LOXL1: variants seen among roughly 807,000 people sequenced by gnomAD.
The protein encoded by LOXL1 is lysyl oxidase like 1, also known as lysyl oxidase homolog 1.
LOXL1 carries 31 observed loss-of-function variants against 62.2 expected under a neutral mutation model. The ratio of observed to expected loss-of-function variants is 0.50; its 90% CI spans 0.37 to 0.67. LOXL1 has a LOEUF of 0.67. Among genes scored for constraint, LOXL1 ranks in the 30% least tolerant of loss-of-function variants. LOXL1 has a pLI of 0.00. For missense variants in LOXL1, 775 were observed against 843.4 expected, an observed-to-expected ratio of 0.92 and a Z score of 1.00; for synonymous variants, 403 against 384.4, an observed-to-expected ratio of 1.05 and a Z score of -0.56.
intron 1 of LOXL1, among the ~76,000 whole-genome samples, chr15:73,931,018 C>G (rs1465492560): frequency 6.6e-6 from 1 of 152,172 alleles, no homozygotes; most frequent in Non-Finnish European, 1.5e-5. Flanking sequence ...GCCCTCCTCT[C>G]CTGGGATCCT....
At position 73,927,356 on chromosome 15, in the gene LOXL1, C is replaced by T. The variant is rs1333440194; in HGVS notation, c.573C>T (p.Tyr191=). The T allele has an allele frequency of 1.3e-6, 2 of 1,590,586 alleles. No individual in the cohort carries two copies. Among genetic ancestry groups the T allele is most frequent in the Non-Finnish European group, 8.5e-7 (1 of 1,169,878 alleles). ...CCTTCGTCAGCCAGTACGAGAACTA[C>T]GACCCCGCGTCGCGGACCTACGACC... The part of the protein sequence containing the change: ...QAPFVSQYEN[Y]DPASRTYDQG... Residue 191 remains tyrosine, a synonymous_variant, in exon 1 of 7, where the codon TAC becomes TAT. Transcript: ENST00000261921.
intron 6 of LOXL1, among the ~76,000 whole-genome samples, chr15:73,950,293 T>TTAA (rs1442360390): frequency 2.1e-5 from 3 of 146,088 alleles, no homozygotes; most frequent in African/African-American, 7.6e-5. Flanking sequence ...CCTTTTCCAT[T>TTAA]AAAAAAAAAA....
rs369266200 is a variant in LOXL1 at position 73,927,390 on chromosome 15, G to C, written c.607G>C (p.Val203Leu). 4 of 1,574,244 alleles carry C rather than the reference G, an allele frequency of 2.5e-6. No homozygotes were observed. The highest frequency in any genetic ancestry group is 4.8e-5 in the East Asian group (2 of 41,294). Reference protein sequence around the residue: ...PASRTYDQGFVYYRPAGGGVG... With the variant: ...PASRTYDQGFLYYRPAGGGVG... ...GTCGCGGACCTACGACCAGGGTTTC[G>C]TGTACTACCGGCCCGCGGGCGGCGG... The change falls in exon 1 of 7, where the codon GTG becomes CTG. Residue 203 changes from valine to leucine, a missense_variant. Transcript: ENST00000261921.
chr15:73,938,087 G>C (rs1274888787), intron 1 of LOXL1, among the ~76,000 whole-genome samples: 1 of 152,170 alleles, frequency 6.6e-6, no homozygotes, highest in Non-Finnish European at 1.5e-5. Context: ...AGGAGTTCGA[G>C]ACCAGGCTGG....
chr15:73,942,987 G>T, intron 2 of LOXL1, 25 bp downstream of exon 2: 1 of 1,573,848 alleles, frequency 6.4e-7, no homozygotes, highest in Non-Finnish European at 8.7e-7. Context: ...CAGAAGTGTA[G>T]AGTGTTGGGA....
intron 2 of LOXL1, among the ~76,000 whole-genome samples, chr15:73,944,094 G>A (rs145904216): frequency 1.3e-5 from 2 of 152,348 alleles, no homozygotes; most frequent in Non-Finnish European, 2.9e-5. Flanking sequence ...CATCAGTGTG[G>A]GAACTGCCCC....
intron 1 of LOXL1, 69 bp from the exon 2 acceptor site, chr15:73,942,785 T>C: frequency 2.1e-6 from 2 of 965,058 alleles, no homozygotes; most frequent in Non-Finnish European, 3.4e-6. Context: ...GCATTAGCAG[T>C]GGCCAACCTG....
Position 73,930,399 on chromosome 15 carries a change from C to T in LOXL1, c.1102+2514C>T, listed in dbSNP as rs576600062. On this transcript the variant is annotated intron_variant, in intron 1 of 6. Coordinates refer to ENST00000261921, the MANE Select transcript of LOXL1 (RefSeq NM_005576.4). This position sits in a 1 kb window ranked among gnomAD's most constrained non-coding sequence, Gnocchi z 4.7. ...GAGGGGATTGCAGGCTAGTTTAGGGCTCACAAAGAGGCCAGAGAGGGAGCA... is the reference window on the plus strand; with the variant it reads ...GAGGGGATTGCAGGCTAGTTTAGGGTTCACAAAGAGGCCAGAGAGGGAGCA... Among the ~76,000 whole-genome samples the T allele has an allele frequency of 1.3e-5, 2 of 152,216 alleles. No individual in the cohort carries two copies. Among genetic ancestry groups the T allele is most frequent in the South Asian group, 4.1e-4 (2 of 4,822 alleles).
chr15:73,931,088 C>T (rs537524144), intron 1 of LOXL1, among the ~76,000 whole-genome samples: 81 of 152,014 alleles, frequency 5.3e-4, no homozygotes, highest in East Asian at 3.3e-3. Context: ...CTTAGTGCCA[C>T]CTAAGAAGCC....
At chr15:73,936,745 G>T (rs981147537) in intron 1 of LOXL1, among the ~76,000 whole-genome samples, 1 of 152,224 alleles carries the variant, frequency 6.6e-6, no homozygotes, top group Non-Finnish European at 1.5e-5. Context: ...GGCTCTCAGC[G>T]CCAGGCAGCC....
chr15:73,938,465 C>G (rs57783027), intron 1 of LOXL1, among the ~76,000 whole-genome samples: 15,598 of 151,728 alleles, frequency 0.1, 1,012 homozygotes, highest in South Asian at 0.2. Flanking sequence ...AACCTCAGCA[C>G]TTTGGGAGGC....
At chr15:73,941,979 A>G in intron 1 of LOXL1, 1 of 282,608 alleles carries the variant, frequency 3.5e-6, no homozygotes, top group Non-Finnish European at 7.9e-6. Flanking sequence ...AAGGGACCAC[A>G]AGGACGGGGG....
chr15:73,938,236 C>T (rs900864600), intron 1 of LOXL1, among the ~76,000 whole-genome samples: 14 of 151,854 alleles, frequency 9.2e-5, no homozygotes, highest in South Asian at 8.3e-4. Context: ...GCTAAGATGG[C>T]GCCATTGCAG....
chr15:73,943,220 G>A lies in LOXL1; in HGVS notation c.1211+258G>A, dbSNP rs142060719. On this transcript the variant is annotated intron_variant, in intron 2 of 6. Transcript: ENST00000261921. ...TACAAGGAACTCCACTTTTACTGTG[G>A]CACTTCATCTTTATATGAGCCCTGA... Among the ~76,000 whole-genome samples, 170 of 152,346 alleles carry A rather than the reference G, an allele frequency of 1.1e-3. 1 individual carries two copies. Among genetic ancestry groups the A allele is most frequent in the Middle Eastern group, 3.4e-3 (1 of 294 alleles).
intron 2 of LOXL1, among the ~76,000 whole-genome samples, chr15:73,944,728 C>G (rs1192655843): frequency 2.0e-5 from 3 of 152,208 alleles, no homozygotes; most frequent in Non-Finnish European, 4.4e-5. Flanking sequence ...GAACCTAGAC[C>G]CTTATGGTTT....
At chr15:73,933,459 C>T (rs1029718502) in intron 1 of LOXL1, among the ~76,000 whole-genome samples, 6 of 152,218 alleles carry the variant, frequency 3.9e-5, no homozygotes, top group African/African-American at 1.4e-4. Context: ...AGTTTGCGGG[C>T]CCCACAGAGT....
At position 73,926,463 on chromosome 15, in the gene LOXL1, T is replaced by G; in HGVS notation, c.-321T>G. On this transcript the variant is annotated 5_prime_UTR_variant, in exon 1 of 7. Transcript: ENST00000261921. ...ACGCTCCCAGCCTGTTGCTTATTCA[T>G]TCAGAGTGGGAAAGCGCCAGCCGAG... is the stretch of plus-strand genomic sequence containing the variant. 3.7e-6 allele frequency: 1 copy of G among 273,178 alleles called. No homozygotes were observed. The highest frequency in any genetic ancestry group is 6.8e-6 in the Non-Finnish European group (1 of 146,054). The allele number at this position is 273,178 out of a possible 1,614,324, so 16.9% of individuals were successfully genotyped here.
At chr15:73,951,700 C>G in intron 6 of LOXL1, 131 bp from the exon 7 acceptor site, 1 of 765,290 alleles carries the variant, frequency 1.3e-6, no homozygotes, top group Non-Finnish European at 1.9e-6. Flanking sequence ...GGAACTTTCT[C>G]TTGAGGGAAA....
In LOXL1 at chr15:73,935,007, A is replaced by G. The variant is rs545511980; in HGVS notation, c.1102+7122A>G. Among the ~76,000 whole-genome samples the G allele has an allele frequency of 3.9e-5, 6 of 152,332 alleles. No individual in the cohort carries two copies. The East Asian group carries it at 1.2e-3, about 29-fold the overall frequency. ...TTCAGGTGTGCTCCAGTGTGGTTAG[A>G]ACAGAGTAGAGTGGAAATGGAGGTA... On this transcript the variant is annotated intron_variant, in intron 1 of 6. Coordinates refer to ENST00000261921, the MANE Select transcript of LOXL1 (RefSeq NM_005576.4).
Sources: gnomAD v4.1 joint callset for allele counts (sites outside exome capture counted in the v4.1 genomes callset) on GRCh38, gnomAD v4.1.1 for gene constraint, Gnocchi (gnomAD v3.1) non-coding constraint, MANE v1.5 for transcripts, NCBI Gene and HGNC (gene_info 2026-07-23, HGNC 2026-07-21) for gene names.